The following PCDH15 variants were observed in gnomAD, a reference collection of about 807,000 sequenced individuals.
The protein encoded by PCDH15 is protocadherin-15.
In PCDH15, 129 loss-of-function variants were observed where a neutral mutation model predicts 178.5. That is an observed-to-expected ratio of 0.72 (90% CI 0.63 to 0.84). The LOEUF (loss-of-function observed/expected upper bound fraction) is 0.84. PCDH15 is among the 40% of genes least tolerant of loss of function. The probability of loss-of-function intolerance (pLI) is 0.00; values close to 1 mark genes in which losing one functional copy is unlikely to be tolerated. For missense variants in PCDH15, 2,230 were observed against 2,099.9 expected, an observed-to-expected ratio of 1.06 and a Z score of -1.21; for synonymous variants, 800 against 732.0, an observed-to-expected ratio of 1.09 and a Z score of -1.50.
At chr10:53,978,736 T>G (rs376400500) in intron 21 of PCDH15, among the ~76,000 whole-genome samples, 1 of 151,958 alleles carries the variant, frequency 6.6e-6, no homozygotes, top group Non-Finnish European at 1.5e-5. Context: ...TTTGAACACT[T>G]TGCTACTTAG....
At chr10:55,470,930 T>C (rs1385584668) in intron 2 of PCDH15, among the ~76,000 whole-genome samples, 1 of 152,140 alleles carries the variant, frequency 6.6e-6, no homozygotes, top group Admixed American at 6.5e-5. Flanking sequence ...GCTTTCCAAA[T>C]AGGCTTCTTT....
intron 2 of PCDH15, among the ~76,000 whole-genome samples, chr10:55,056,513 C>CA (rs1477752994): frequency 2.9e-5 from 3 of 103,866 alleles, no homozygotes; most frequent in African/African-American, 1.3e-4. Flanking sequence ...TTCTTGACTT[C>CA]AAAATCTAAG....
rs140572503 is a variant in PCDH15 at position 54,293,347 on chromosome 10, C to A, written c.876+23924G>T. Among the ~76,000 whole-genome samples, 943 of 152,228 alleles carry A rather than the reference C, an allele frequency of 6.2e-3. 7 individuals are homozygous for A. The highest frequency in any genetic ancestry group is 0.022 in the African/African-American group (914 of 41,544). Reference sequence around the variant, plus strand: ...TGGATTAAAGACTTAAATGTTAGACCTAAAATCATAAAAACCTGAGAGGAA... The same window carrying A: ...TGGATTAAAGACTTAAATGTTAGACATAAAATCATAAAAACCTGAGAGGAA... On this transcript the variant is annotated intron_variant, in intron 8 of 37. Transcript: ENST00000644397.
At chr10:54,968,418 C>T (rs764493980) in intron 2 of PCDH15, among the ~76,000 whole-genome samples, 1 of 147,972 alleles carries the variant, frequency 6.8e-6, no homozygotes, top group Non-Finnish European at 1.5e-5. Flanking sequence ...GATATTTTTA[C>T]AGACTATGGT....
At chr10:54,374,622 T>A (rs1006714776) in intron 4 of PCDH15, among the ~76,000 whole-genome samples, 1 of 152,044 alleles carries the variant, frequency 6.6e-6, no homozygotes, top group Non-Finnish European at 1.5e-5. Flanking sequence ...TTGTTTCTCT[T>A]TTGTGACTTT....
chr10:54,782,322 C>A (rs1333657135), intron 1 of PCDH15, among the ~76,000 whole-genome samples: 2 of 152,114 alleles, frequency 1.3e-5, no homozygotes, highest in Admixed American at 6.5e-5. Context: ...TCACTTAAAA[C>A]TCTGTGAGCC....
chr10:53,849,860 CAAAAAAAA>C (rs58458871), intron 28 of PCDH15, among the ~76,000 whole-genome samples: 2 of 52,712 alleles, frequency 3.8e-5, no homozygotes, highest in Non-Finnish European at 7.9e-5. Flanking sequence ...GGCTCCGTCT[CAAAAAAAA>C]AAAAAAAAAA....
chr10:55,212,197 C>T (rs1393239388), intron 1 of PCDH15, among the ~76,000 whole-genome samples: 1 of 152,004 alleles, frequency 6.6e-6, no homozygotes, highest in African/African-American at 2.4e-5. Context: ...AAATTTGCAC[C>T]CTATGCAGGT....
chr10:53,918,744 ACACACACACACACACACACACG>A (rs1444708183), intron 25 of PCDH15, among the ~76,000 whole-genome samples: 2 of 136,642 alleles, frequency 1.5e-5, no homozygotes, highest in African/African-American at 6.2e-5. Flanking sequence ...ACACACACAC[ACACACACACACACACACACACG>A]GATACCACCA....
rs182527699 is a variant in PCDH15 at position 55,392,781 on chromosome 10, T to C, written c.-155-226130A>G. On this transcript the variant is annotated intron_variant, in intron 2 of 5. Coordinates refer to the PCDH15 transcript ENST00000613346. ...TTTTTAGACTGTTTCATAGTAAAAT[T>C]TGTAGAAGGCATTTGCAAATTAATA... Among the ~76,000 whole-genome samples the C allele has an allele frequency of 1.6e-3, 247 of 152,230 alleles. 1 individual carries two copies. Among genetic ancestry groups the C allele is most frequent in the African/African-American group, 5.0e-3 (209 of 41,562 alleles).
chr10:54,337,088 G>A (rs1233082851), intron 6 of PCDH15, among the ~76,000 whole-genome samples: 1 of 149,032 alleles, frequency 6.7e-6, no homozygotes, highest in Admixed American at 6.7e-5. Context: ...CTTTGTTTTT[G>A]CCAATTTCTC....
chr10:54,748,477 T>G (rs1329631347), intron 1 of PCDH15, among the ~76,000 whole-genome samples: 3 of 152,162 alleles, frequency 2.0e-5, no homozygotes, highest in Non-Finnish European at 4.4e-5. Flanking sequence ...TTAAAATGAT[T>G]TTTTTGAAAA....
At chr10:53,973,505 T>C (rs999081672) in intron 21 of PCDH15, among the ~76,000 whole-genome samples, 3 of 152,214 alleles carry the variant, frequency 2.0e-5, no homozygotes, top group African/African-American at 7.2e-5. Flanking sequence ...TATATTTCTT[T>C]TCTATATCAT....
chr10:54,617,763 A>T (rs913454845), intron 2 of PCDH15, among the ~76,000 whole-genome samples: 1 of 41,980 alleles, frequency 2.4e-5, no homozygotes, highest in Non-Finnish European at 7.3e-5. Context: ...TACAAAAAAA[A>T]AAAAAAAAAA....
chr10:55,532,788 G>A (rs1011940847), intron 2 of PCDH15, among the ~76,000 whole-genome samples: 2 of 151,934 alleles, frequency 1.3e-5, no homozygotes, highest in East Asian at 1.9e-4. Context: ...CTGCCAGCAG[G>A]GTAAAATATC....
At chr10:54,052,104 G>A (rs1165123638) in intron 18 of PCDH15, among the ~76,000 whole-genome samples, 1 of 152,180 alleles carries the variant, frequency 6.6e-6, no homozygotes, top group African/African-American at 2.4e-5. Context: ...TATAGAAGTG[G>A]TGCCCTCATG....
intron 1 of PCDH15, among the ~76,000 whole-genome samples, chr10:55,265,311 G>GATATAT (rs146070132): frequency 6.2e-5 from 9 of 144,248 alleles, no homozygotes; most frequent in African/African-American, 1.9e-4. Context: ...GTATCTCTAT[G>GATATAT]ATATATATAT....
intron 6 of PCDH15, among the ~76,000 whole-genome samples, chr10:54,333,529 T>C (rs895453797): frequency 8.6e-5 from 13 of 151,034 alleles, no homozygotes; most frequent in Admixed American, 2.0e-4. Flanking sequence ...AAGTCTTGCT[T>C]TAATGATATT....
intron 2 of PCDH15, among the ~76,000 whole-genome samples, chr10:55,535,045 C>G (rs1319246429): frequency 6.6e-6 from 1 of 151,850 alleles, no homozygotes; most frequent in African/African-American, 2.4e-5. Flanking sequence ...ACAGATGCTG[C>G]GGACTAGTAG....
Sources: gnomAD v4.1 joint callset for allele counts (sites outside exome capture counted in the v4.1 genomes callset) on GRCh38, gnomAD v4.1.1 for gene constraint, MANE v1.5 for transcripts, NCBI Gene and HGNC (gene_info 2026-07-23, HGNC 2026-07-21) for gene names.